Variants in AKAP6 observed in about 807,000 individuals in gnomAD.
AKAP6 encodes the protein A-kinase anchoring protein 6.
Under a neutral mutation model 188.5 loss-of-function variants are expected in AKAP6, and 58 were observed. That is an observed-to-expected ratio of 0.31 (90% CI 0.25 to 0.38). AKAP6 has a LOEUF of 0.38. Among genes scored for constraint, AKAP6 ranks in the 10% least tolerant of loss-of-function variants. AKAP6 has a pLI of 1.00. For synonymous variants in AKAP6, 989 were observed against 998.6 expected (o/e 0.99, Z 0.18); for missense variants, 2,710 against 2,740.0 (o/e 0.99, Z 0.24).
chr14:32,716,623 A>T (rs960366627), intron 9 of AKAP6, among the ~76,000 whole-genome samples: 3 of 148,144 alleles, frequency 2.0e-5, no homozygotes, highest in African/African-American at 7.4e-5. Flanking sequence ...TATATTATCT[A>T]CATTATATAA....
Position 32,835,352 on chromosome 14 carries a change from T to G in AKAP6, c.*5547T>G, listed in dbSNP as rs944538085. ...TAAAAAATAAAGTGCACTTAAAGAT[T>G]GTTTCACATCCACAGTTTGTTTAAG... On this transcript the variant is annotated 3_prime_UTR_variant, in exon 14 of 14. Coordinates refer to ENST00000280979, the MANE Select transcript of AKAP6 (RefSeq NM_004274.5). 6.6e-6 allele frequency: 1 copy of G among 152,212 alleles called. No individual in the cohort carries two copies. Among genetic ancestry groups the G allele is most frequent in the African/African-American group, 2.4e-5 (1 of 41,456 alleles). 9.4% of individuals were successfully genotyped at this position (152,212 alleles called of 1,614,324 possible). A position where few individuals can be genotyped will look rare whatever the true frequency, so the allele number is the denominator to read the frequency against.
intron 11 of AKAP6, among the ~76,000 whole-genome samples, chr14:32,743,476 G>T (rs2031764274): frequency 6.6e-6 from 1 of 151,898 alleles, no homozygotes. Context: ...CTTTAGTAAA[G>T]GTGTTTTTCT....
chr14:32,490,096 A>G (rs1879921874), intron 2 of AKAP6, among the ~76,000 whole-genome samples: 1 of 151,904 alleles, frequency 6.6e-6, no homozygotes, highest in Non-Finnish European at 1.5e-5. Flanking sequence ...GAGATTACAA[A>G]GAACCTTCTT....
intron 1 of AKAP6, among the ~76,000 whole-genome samples, chr14:32,432,543 T>C (rs1244405720): frequency 6.6e-6 from 1 of 152,182 alleles, no homozygotes; most frequent in African/African-American, 2.4e-5. Flanking sequence ...TAATTTAGAT[T>C]GAGAGTTAAT....
At chr14:32,454,211 T>C (rs76718960) in intron 2 of AKAP6, among the ~76,000 whole-genome samples, 4,146 of 152,282 alleles carry the variant, frequency 0.027, 57 homozygotes, top group East Asian at 0.078. Flanking sequence ...TCAGGATCTC[T>C]CTTTTCACTG....
At position 32,628,323 on chromosome 14, in the gene AKAP6, T is replaced by G. The variant is rs1358856310; in HGVS notation, c.2730+27531T>G. ...AATGATATTAACTTCAATTCAACTT[T>G]TAATTGAGGTGCAACCATCCAAATT... On this transcript the variant is annotated intron_variant, in intron 7 of 13. Transcript: ENST00000280979. 2.0e-5 allele frequency among the ~76,000 whole-genome samples: 3 copies of G among 152,134 alleles called. No homozygotes were observed. In the East Asian group the frequency reaches 5.8e-4, roughly 29 times the overall value.
At chr14:32,521,993 A>G (rs1269055732) in intron 2 of AKAP6, among the ~76,000 whole-genome samples, 4 of 152,262 alleles carry the variant, frequency 2.6e-5, no homozygotes, top group Non-Finnish European at 5.9e-5. Context: ...AAACAGAGTT[A>G]TAGACCAATG....
intron 4 of AKAP6, among the ~76,000 whole-genome samples, chr14:32,574,528 C>T (rs1302344097): frequency 6.6e-6 from 1 of 152,144 alleles, no homozygotes; most frequent in Non-Finnish European, 1.5e-5. Context: ...CATGCACTGA[C>T]ATACACACAC....
chr14:32,503,672 A>G (rs1000974239), intron 2 of AKAP6, among the ~76,000 whole-genome samples: 2 of 151,922 alleles, frequency 1.3e-5, no homozygotes, highest in African/African-American at 4.8e-5. Context: ...CCCCTTTATC[A>G]CATGCCCAAA....
chr14:32,616,185 G>A (rs1886572285), intron 7 of AKAP6, among the ~76,000 whole-genome samples: 1 of 152,190 alleles, frequency 6.6e-6, no homozygotes, highest in Non-Finnish European at 1.5e-5. Context: ...ATTGTGGAAA[G>A]CGGTGTAGGG....
intron 9 of AKAP6, among the ~76,000 whole-genome samples, chr14:32,707,472 T>G (rs10148857): frequency 0.32 from 48,184 of 151,960 alleles, 7,857 homozygotes; most frequent in Admixed American, 0.37. Context: ...GTTTATTAGT[T>G]AAATGCATAT....
At chr14:32,786,271 A>G (rs1393908155) in intron 12 of AKAP6, among the ~76,000 whole-genome samples, 5 of 138,364 alleles carry the variant, frequency 3.6e-5, no homozygotes, top group Non-Finnish European at 6.2e-5. Context: ...AGCTCTACTT[A>G]GCCCTCTGAA....
At chr14:32,511,705 T>C (rs994498730) in intron 2 of AKAP6, among the ~76,000 whole-genome samples, 4 of 152,174 alleles carry the variant, frequency 2.6e-5, no homozygotes, top group African/African-American at 9.7e-5. Flanking sequence ...CCCATACCAG[T>C]TCTTTTTGTT....
chr14:32,645,431 T>G (rs1887947741), intron 7 of AKAP6, among the ~76,000 whole-genome samples: 1 of 152,192 alleles, frequency 6.6e-6, no homozygotes, highest in Non-Finnish European at 1.5e-5. Context: ...TTGTCATTTA[T>G]GTTTCTATTT....
intron 2 of AKAP6, among the ~76,000 whole-genome samples, chr14:32,453,688 C>G (rs1214879616): frequency 1.4e-5 from 2 of 146,414 alleles, no homozygotes; most frequent in African/African-American, 2.6e-5. Context: ...GCTCCGCCTC[C>G]CGGGTTCACG....
chr14:32,710,952 G>A (rs563454488), intron 9 of AKAP6, among the ~76,000 whole-genome samples: 6 of 152,112 alleles, frequency 3.9e-5, no homozygotes, highest in East Asian at 3.9e-4. Flanking sequence ...CTGCTTTTAC[G>A]CAATGGTAGA....
chr14:32,368,652 C>G (rs1887911404), intron 1 of AKAP6, among the ~76,000 whole-genome samples: 2 of 152,054 alleles, frequency 1.3e-5, no homozygotes, highest in Non-Finnish European at 1.5e-5. Context: ...TACAATCTGA[C>G]TGAAGATTAG....
intron 2 of AKAP6, among the ~76,000 whole-genome samples, chr14:32,493,071 T>C (rs180680114): frequency 1.3e-5 from 2 of 152,258 alleles, no homozygotes; most frequent in African/African-American, 4.8e-5. Context: ...GGGTAACTGT[T>C]TGTCAGAGAA....
intron 11 of AKAP6, among the ~76,000 whole-genome samples, chr14:32,736,283 A>G (rs2031419086): frequency 6.6e-6 from 1 of 152,184 alleles, no homozygotes; most frequent in Non-Finnish European, 1.5e-5. Flanking sequence ...ATCGAAGTCC[A>G]TTACTGCTAA....
Sources: gnomAD v4.1 joint callset for allele counts (sites outside exome capture counted in the v4.1 genomes callset) on GRCh38, gnomAD v4.1.1 for gene constraint, MANE v1.5 for transcripts, NCBI Gene and HGNC (gene_info 2026-07-23, HGNC 2026-07-21) for gene names.